Variants in ST3GAL2 observed in about 807,000 individuals in gnomAD.
The protein encoded by ST3GAL2 is ST3 beta-galactoside alpha-2,3-sialyltransferase 2.
Under a neutral mutation model 37.5 loss-of-function variants are expected in ST3GAL2, and 16 were observed. The ratio of observed to expected loss-of-function variants is 0.43; its 90% CI spans 0.29 to 0.65. The LOEUF is 0.65. Among genes scored for constraint, ST3GAL2 ranks in the 30% least tolerant of loss-of-function variants. The pLI, the probability that ST3GAL2 is intolerant of heterozygous loss-of-function variation, is 0.17. For synonymous variants in ST3GAL2, 238 were observed against 202.9 expected, an observed-to-expected ratio of 1.17 and a Z score of -1.47; for missense variants, 383 against 487.8, an observed-to-expected ratio of 0.79 and a Z score of 2.02.
At chr16:70,391,086 C>T (rs776589161) in intron 3 of ST3GAL2, among the ~76,000 whole-genome samples, 11 of 152,144 alleles carry the variant, frequency 7.2e-5, no homozygotes, top group Non-Finnish European at 1.5e-4. Flanking sequence ...TGGCTGGCAC[C>T]AGCTAGCTGG....
chr16:70,376,067 G>C lies in ST3GAL2; in HGVS notation c.*5622C>G, dbSNP rs973610241. The C allele has an allele frequency of 6.6e-6, 1 of 152,204 alleles. No homozygotes were observed. The highest frequency in any genetic ancestry group is 1.5e-5 in the Non-Finnish European group (1 of 68,034). The allele number at this position is 152,204 out of a possible 1,614,324, so 9.4% of individuals were successfully genotyped here. ...CATGGTCTCCAGTGCGGTGCCCGTG[G>C]TAACAGCGTTTCACAGGAAGCACCG... On this transcript the variant is annotated 3_prime_UTR_variant, in exon 7 of 7. Transcript: ENST00000342907.
chr16:70,430,157 A>AGCAG (rs1482436203), intron 1 of ST3GAL2, among the ~76,000 whole-genome samples: 1 of 152,246 alleles, frequency 6.6e-6, no homozygotes, highest in Non-Finnish European at 1.5e-5. Context: ...ACAGAGGGCC[A>AGCAG]GCAGGCCTCA....
chr16:70,417,864 C>T (rs1012918509), intron 1 of ST3GAL2, among the ~76,000 whole-genome samples: 1 of 152,104 alleles, frequency 6.6e-6, no homozygotes, highest in African/African-American at 2.4e-5. Context: ...TGCCCTCTGA[C>T]TGCCTCCAGG....
At chr16:70,401,939 C>T (rs1031291615) in intron 1 of ST3GAL2, among the ~76,000 whole-genome samples, 3 of 144,606 alleles carry the variant, frequency 2.1e-5, no homozygotes, top group Non-Finnish European at 3.0e-5. Context: ...GGTTGCAGTG[C>T]GCCAAGATCA....
chr16:70,382,100 G>T (rs2047410613), intron 6 of ST3GAL2, among the ~76,000 whole-genome samples: 1 of 145,200 alleles, frequency 6.9e-6, no homozygotes, highest in Non-Finnish European at 1.5e-5. Flanking sequence ...GCACCACTCA[G>T]TGAAGCACTT....
rs1034669024 is a variant in ST3GAL2, at chr16:70,381,317, G to T, written c.*372C>A. On this transcript the variant is annotated 3_prime_UTR_variant, in exon 7 of 7. Transcript: ENST00000342907. The stretch of plus-strand genomic sequence containing the variant: ...GACGATCCTCCGCCCGAGGCTGACG[G>T]AAGTGCTTCGCCGAGGCCCGCGCCA... 2 of 197,328 alleles carry T rather than the reference G, an allele frequency of 1.0e-5. No homozygotes were observed. Among genetic ancestry groups the T allele is most frequent in the South Asian group, 1.7e-4 (2 of 12,090 alleles). 12.2% of individuals were successfully genotyped at this position (197,328 alleles called of 1,614,324 possible).
In ST3GAL2 at chr16:70,418,660, C is replaced by T. The variant is rs554937687; in HGVS notation, c.-1003-19127G>A. 7.8e-4 allele frequency among the ~76,000 whole-genome samples: 119 copies of T among 152,296 alleles called. 1 individual carries two copies. Among genetic ancestry groups the T allele is most frequent in the African/African-American group, 2.6e-3 (108 of 41,570 alleles). ...TCCTTGACCTTCACAGAACACGGGT[C>T]AGTCCACTCCTCCCCAAGCCCTGGC... On this transcript the variant is annotated intron_variant, in intron 1 of 6. Coordinates refer to ENST00000342907, the MANE Select transcript of ST3GAL2 (RefSeq NM_006927.4).
intron 1 of ST3GAL2, among the ~76,000 whole-genome samples, chr16:70,405,906 A>G (rs2047588977): frequency 6.6e-6 from 1 of 151,324 alleles, no homozygotes; most frequent in African/African-American, 2.4e-5. Context: ...TAAAAACACA[A>G]AAAAATTAGC....
rs532476701 is a variant in ST3GAL2, at chr16:70,431,603, T to C, written c.-1004+7346A>G. Among the ~76,000 whole-genome samples, 16 of 151,044 alleles carry C rather than the reference T, an allele frequency of 1.1e-4. No homozygotes were observed. The East Asian group carries it at 2.7e-3, about 26-fold the overall frequency. On this transcript the variant is annotated intron_variant, in intron 1 of 6. Coordinates refer to ENST00000342907, the MANE Select transcript of ST3GAL2 (RefSeq NM_006927.4). ...AATAAAATTTAGCCAGGTGGGAGGA[T>C]CACTTGAAGCCAGGAGTTCAAGACC...
chr16:70,419,048 T>C (rs1335967554), intron 1 of ST3GAL2, among the ~76,000 whole-genome samples: 2 of 152,098 alleles, frequency 1.3e-5, no homozygotes, highest in Non-Finnish European at 2.9e-5. Context: ...CCTCCCCCTC[T>C]CCCAACTCTT....
At position 70,379,607 on chromosome 16, in the gene ST3GAL2, T is replaced by C. The variant is rs2047380203; in HGVS notation, c.*2082A>G. The C allele has an allele frequency of 6.6e-6, 1 of 152,204 alleles. No individual in the cohort carries two copies. The highest frequency in any genetic ancestry group is 2.4e-5 in the African/African-American group (1 of 41,458). 9.4% of individuals were successfully genotyped at this position (152,204 alleles called of 1,614,324 possible). On this transcript the variant is annotated 3_prime_UTR_variant, in exon 7 of 7. Transcript: ENST00000342907. The stretch of plus-strand genomic sequence containing the variant: ...CTGGCTGGATGCTGGGACCTACCTC[T>C]TCCAGGATGGGGATTCATGATTTAA...
chr16:70,404,188 G>A (rs373976296), intron 1 of ST3GAL2, among the ~76,000 whole-genome samples: 6 of 152,170 alleles, frequency 3.9e-5, no homozygotes, highest in South Asian at 2.1e-4. Flanking sequence ...AAGAGTAGGC[G>A]GCTCAGGACA....
At chr16:70,389,101 C>T (rs1259278188) in intron 3 of ST3GAL2, among the ~76,000 whole-genome samples, 2 of 136,468 alleles carry the variant, frequency 1.5e-5, no homozygotes, top group South Asian at 2.4e-4. Flanking sequence ...AAAGGTTGGC[C>T]GGGCGCGGTG....
At chr16:70,428,221 C>G (rs951287195) in intron 1 of ST3GAL2, among the ~76,000 whole-genome samples, 1 of 152,226 alleles carries the variant, frequency 6.6e-6, no homozygotes, top group Non-Finnish European at 1.5e-5. Flanking sequence ...CACAGCTGAC[C>G]GCAGATGGGA....
intron 1 of ST3GAL2, among the ~76,000 whole-genome samples, chr16:70,431,448 C>G (rs1045201233): frequency 6.6e-6 from 1 of 152,292 alleles, no homozygotes; most frequent in Non-Finnish European, 1.5e-5. Context: ...CCCTGGGCCC[C>G]GCAATGCCAC....
At chr16:70,421,779 C>G (rs2047716380) in intron 1 of ST3GAL2, among the ~76,000 whole-genome samples, 1 of 152,158 alleles carries the variant, frequency 6.6e-6, no homozygotes. Context: ...CCTGCCTCAG[C>G]CTCAGCATCC....
intron 1 of ST3GAL2, among the ~76,000 whole-genome samples, chr16:70,433,132 T>A (rs571427467): frequency 6.6e-4 from 101 of 152,306 alleles, no homozygotes; most frequent in African/African-American, 2.4e-3. Flanking sequence ...CCAGCTCTCA[T>A]CACCAGGCAC....
intron 1 of ST3GAL2, among the ~76,000 whole-genome samples, chr16:70,434,237 G>C (rs1432163197): frequency 2.6e-5 from 4 of 152,146 alleles, no homozygotes; most frequent in Non-Finnish European, 5.9e-5. Context: ...AGGAGTTCGA[G>C]ACCAGCCTGG....
chr16:70,400,090 G>T (rs2047545162), intron 1 of ST3GAL2: 1 of 152,598 alleles, frequency 6.6e-6, no homozygotes. Flanking sequence ...GAACCTGGCT[G>T]TGTCAGGAGG....
Sources: gnomAD v4.1 joint callset for allele counts (sites outside exome capture counted in the v4.1 genomes callset) on GRCh38, gnomAD v4.1.1 for gene constraint, MANE v1.5 for transcripts, NCBI Gene and HGNC (gene_info 2026-07-23, HGNC 2026-07-21) for gene names.